The following ARL13B variants were observed in gnomAD, a reference collection of about 807,000 sequenced individuals.
ARL13B encodes the protein ARF like GTPase 13B.
Under a neutral mutation model 56.1 loss-of-function variants are expected in ARL13B, and 36 were observed. The observed-to-expected ratio is 0.64, with a 90% confidence interval of 0.49 to 0.85. The LOEUF is 0.85. Among genes scored for constraint, ARL13B ranks in the 40% least tolerant of loss-of-function variants. The probability of loss-of-function intolerance (pLI) is 0.00; values close to 1 mark genes in which losing one functional copy is unlikely to be tolerated. For missense variants in ARL13B, 519 were observed against 507.1 expected (o/e 1.02, Z -0.23); for synonymous variants, 178 against 171.1 (o/e 1.04, Z -0.32).
chr3:93,998,349 C>A (rs1345105621), intron 2 of ARL13B, among the ~76,000 whole-genome samples: 1 of 151,910 alleles, frequency 6.6e-6, no homozygotes, highest in Admixed American at 6.6e-5. Flanking sequence ...TTATGTATTC[C>A]ACCTCCATAT....
intron 3 of ARL13B, chr3:94,014,819 A>G (rs111693714): frequency 6.2e-7 from 1 of 1,613,998 alleles, no homozygotes; most frequent in African/African-American, 1.3e-5. Context: ...GTGTCATTGT[A>G]TATAAACATG....
intron 3 of ARL13B, chr3:94,028,343 G>C (rs1017406611): frequency 6.6e-6 from 1 of 152,172 alleles, no homozygotes; most frequent in Non-Finnish European, 1.5e-5. Context: ...ATATTAAAAA[G>C]TACAGAAAAG....
At chr3:94,041,048 G>T (rs1392790020) in intron 6 of ARL13B, among the ~76,000 whole-genome samples, 1 of 151,420 alleles carries the variant, frequency 6.6e-6, no homozygotes, top group Non-Finnish European at 1.5e-5. Context: ...CAAGAAGATG[G>T]CCAGTAAAGA....
intron 3 of ARL13B, chr3:94,014,781 C>T: frequency 6.2e-7 from 1 of 1,613,916 alleles, no homozygotes. Flanking sequence ...AAATAAATGT[C>T]TTGCACTTCT....
At position 93,980,612 on chromosome 3, in the gene ARL13B, G is replaced by T. The variant is rs530065671; in HGVS notation, c.59+130G>T. 2.6e-6 allele frequency: 3 copies of T among 1,152,026 alleles called. No homozygotes were observed. In the African/African-American group the frequency reaches 4.6e-5, roughly 18 times the overall value. 71.4% of individuals were successfully genotyped at this position (1,152,026 alleles called of 1,614,324 possible). ...CCGCAAGGGATGCTTTCATTCCCAG[G>T]GTGTCCCGGGAGGGAGAGATTGGAG... On this transcript the variant is annotated intron_variant, in intron 1 of 9. Transcript: ENST00000394222.
At chr3:94,027,715 T>C (rs1311671855) in intron 3 of ARL13B, among the ~76,000 whole-genome samples, 1 of 152,102 alleles carries the variant, frequency 6.6e-6, no homozygotes, top group Non-Finnish European at 1.5e-5. Flanking sequence ...ATTTAAATGA[T>C]GCTGATTTAA....
chr3:93,995,636 A>G (rs781248994), intron 1 of ARL13B, among the ~76,000 whole-genome samples: 1 of 151,966 alleles, frequency 6.6e-6, no homozygotes, highest in African/African-American at 2.4e-5. Context: ...TGGATTATCT[A>G]TTGTAGAGTT....
At chr3:94,021,713 A>G (rs1181314819) in intron 3 of ARL13B, among the ~76,000 whole-genome samples, 5 of 152,148 alleles carry the variant, frequency 3.3e-5, no homozygotes, top group African/African-American at 1.2e-4. Context: ...TTTATCTTGT[A>G]TAGCTTCCTA....
intron 3 of ARL13B, among the ~76,000 whole-genome samples, chr3:94,031,403 A>G (rs2076675513): frequency 6.6e-6 from 1 of 152,062 alleles, no homozygotes; most frequent in Admixed American, 6.6e-5. Context: ...TTAAAATGCC[A>G]TTTTCCACTG....
Position 94,003,855 on chromosome 3 carries a change from G to A in ARL13B, c.327G>A (p.Glu109=), listed in dbSNP as rs1485454777. Residue 109 remains glutamate (E), a synonymous_variant, in exon 3 of 10, where the codon GAG becomes GAA. Coordinates refer to ENST00000394222, the MANE Select transcript of ARL13B (RefSeq NM_001174150.2). ...AAGAGAGAATGGAAGAGACAAAAGA[G>A]GCTATGTCAGAAATGCTAAGACATC... ...SDEERMEETK[E]AMSEMLRHPR... 1.1e-5 allele frequency: 17 copies of A among 1,613,668 alleles called. No homozygotes were observed. The highest frequency in any genetic ancestry group is 1.4e-5 in the Non-Finnish European group (17 of 1,179,692).
chr3:93,980,592 A>G (rs1380588357), intron 1 of ARL13B, 110 bp downstream of exon 1: 1 of 1,356,922 alleles, frequency 7.4e-7, no homozygotes, highest in African/African-American at 1.4e-5. Flanking sequence ...CCAGGCCGCA[A>G]GGGATGCTTT....
In ARL13B at chr3:93,984,334, C is replaced by T. The variant is rs567571417; in HGVS notation, c.59+3852C>T. Among the ~76,000 whole-genome samples the T allele has an allele frequency of 3.9e-4, 58 of 148,718 alleles. 1 individual carries two copies. The highest frequency in any genetic ancestry group is 1.3e-3 in the African/African-American group (54 of 40,230). On this transcript the variant is annotated intron_variant, in intron 1 of 9. Transcript: ENST00000394222. ...TCATGCCACTGCACTCCAGCCTGGG[C>T]GACAGAGCAAGACTCTTGTCTAAAA... is the stretch of plus-strand genomic sequence containing the variant.
intron 6 of ARL13B, among the ~76,000 whole-genome samples, chr3:94,040,864 A>G (rs537897986): frequency 6.6e-6 from 1 of 152,288 alleles, no homozygotes; most frequent in South Asian, 2.1e-4. Flanking sequence ...ATTTTATAGT[A>G]CCATGGGTAT....
At chr3:94,030,897 C>T (rs1475301391) in intron 3 of ARL13B, among the ~76,000 whole-genome samples, 1 of 152,164 alleles carries the variant, frequency 6.6e-6, no homozygotes, top group African/African-American at 2.4e-5. Context: ...AGATCTAAGG[C>T]TGGGCACAGT....
intron 6 of ARL13B, among the ~76,000 whole-genome samples, chr3:94,041,433 G>C (rs2076860011): frequency 6.6e-6 from 1 of 152,082 alleles, no homozygotes; most frequent in Admixed American, 6.5e-5. Flanking sequence ...TTTAAAAAGT[G>C]AAAGTCTTCA....
chr3:94,033,643 T>C (rs2076715124), intron 3 of ARL13B, among the ~76,000 whole-genome samples: 1 of 152,212 alleles, frequency 6.6e-6, no homozygotes, highest in South Asian at 2.1e-4. Flanking sequence ...CAATGGCTGC[T>C]AAAATCATTA....
chr3:94,044,997 G>A (rs1005841298), intron 7 of ARL13B, among the ~76,000 whole-genome samples: 7 of 152,162 alleles, frequency 4.6e-5, no homozygotes, highest in East Asian at 1.9e-4. Context: ...CGGTTTTGTC[G>A]AAAAGAAAAG....
chr3:94,043,057 G>A lies in ARL13B; in HGVS notation c.841G>A (p.Glu281Lys), dbSNP rs745765178. ...LEREKKNQKM[E>K]KDSDGCHLKH... ...AAGAGAGAAAAAAAACCAAAAAATGGAGAAAGACAGTGATGGCTGCCACCT... is the reference window on the plus strand; with the variant it reads ...AAGAGAGAAAAAAAACCAAAAAATGAAGAAAGACAGTGATGGCTGCCACCT... Residue 281 changes from glutamate (E) to lysine (K), a missense_variant, in exon 7 of 10, where the codon GAG becomes AAG. Coordinates refer to ENST00000394222, the MANE Select transcript of ARL13B (RefSeq NM_001174150.2). The A allele has an allele frequency of 9.9e-6, 16 of 1,612,378 alleles. No homozygotes were observed. In the East Asian group the frequency reaches 3.3e-4, roughly 34 times the overall value.
intron 3 of ARL13B, among the ~76,000 whole-genome samples, chr3:94,012,354 C>T (rs958873491): frequency 8.5e-5 from 13 of 152,168 alleles, no homozygotes; most frequent in African/African-American, 3.1e-4. Context: ...ATTTCCTTCT[C>T]ATGGCCAATT....
Sources: gnomAD v4.1 joint callset for allele counts (sites outside exome capture counted in the v4.1 genomes callset) on GRCh38, gnomAD v4.1.1 for gene constraint, MANE v1.5 for transcripts, NCBI Gene and HGNC (gene_info 2026-07-23, HGNC 2026-07-21) for gene names.